BMAL2: variants seen among roughly 807,000 people sequenced by gnomAD.
BMAL2 encodes the protein basic helix-loop-helix ARNT like 2, also known as basic helix-loop-helix ARNT-like protein 2.
the BMAL2 span, chr12:27,377,298 C>G: frequency 3.3e-5 from 5 of 152,298 alleles, no homozygotes; most frequent in Non-Finnish European, 5.9e-5. Flanking sequence ...CTCCAGAAAC[C>G]TTTTCGGGTG....
At chr12:27,336,238 A>G in the BMAL2 span, among the ~76,000 whole-genome samples, 2 of 152,076 alleles carry the variant, frequency 1.3e-5, no homozygotes, top group African/African-American at 4.8e-5. Context: ...ACAGGAGGCA[A>G]GGGCACCTGA....
At chr12:27,420,050 A>ACACACAC in the BMAL2 span, among the ~76,000 whole-genome samples, 28 of 59,548 alleles carry the variant, frequency 4.7e-4, no homozygotes, top group African/African-American at 1.6e-3. Flanking sequence ...CACACACACA[A>ACACACAC]ACATACACTA....
At chr12:27,344,010 A>G in the BMAL2 span, among the ~76,000 whole-genome samples, 1 of 152,122 alleles carries the variant, frequency 6.6e-6, no homozygotes, top group African/African-American at 2.4e-5. Flanking sequence ...TTTATTGAGT[A>G]TTTACTATGT....
the BMAL2 span, among the ~76,000 whole-genome samples, chr12:27,419,717 C>T: frequency 0.65 from 99,360 of 152,024 alleles, 33,289 homozygotes; most frequent in Middle Eastern, 0.83. Context: ...TTTAAACACA[C>T]ATAGAGCCAT....
At chr12:27,409,301 A>G in the BMAL2 span, among the ~76,000 whole-genome samples, 1 of 152,212 alleles carries the variant, frequency 6.6e-6, no homozygotes, top group Non-Finnish European at 1.5e-5. Context: ...ATCCTAAGCC[A>G]AAAGAACAAA....
chr12:27,354,729 G>A, the BMAL2 span, among the ~76,000 whole-genome samples: 579 of 152,142 alleles, frequency 3.8e-3, 1 homozygote, highest in African/African-American at 0.013. Context: ...AGGTATCTGC[G>A]GATATTCCAA....
the BMAL2 span, among the ~76,000 whole-genome samples, chr12:27,382,726 G>GCCTGT: frequency 1.3e-5 from 2 of 152,176 alleles, no homozygotes; most frequent in African/African-American, 4.8e-5. Context: ...GATCAACAGA[G>GCCTGT]GGCTGCCTGT....
chr12:27,409,803 A>G, the BMAL2 span, among the ~76,000 whole-genome samples: 8 of 152,202 alleles, frequency 5.3e-5, no homozygotes, highest in African/African-American at 1.7e-4. Context: ...CAGAGTGAAC[A>G]GGCAACCTAC....
the BMAL2 span, chr12:27,400,608 G>A: frequency 1.2e-6 from 2 of 1,613,888 alleles, no homozygotes; most frequent in Non-Finnish European, 8.5e-7. Flanking sequence ...TGGAATGGAA[G>A]AAGAAAGGAA....
chr12:27,401,155 C>T, the BMAL2 span: 1 of 913,772 alleles, frequency 1.1e-6, no homozygotes, highest in Non-Finnish European at 1.8e-6. Flanking sequence ...TCATCCCCTA[C>T]CCTGTGCACT....
chr12:27,364,731 GATAATTTACATCTTTAGT>G, the BMAL2 span, among the ~76,000 whole-genome samples: 1 of 152,034 alleles, frequency 6.6e-6, no homozygotes, highest in Non-Finnish European at 1.5e-5. Flanking sequence ...TCTATTTTAG[GATAATTTACATCTTTAGT>G]ATATTGAAGC....
chr12:27,399,838 A>G, the BMAL2 span, among the ~76,000 whole-genome samples: 1 of 151,938 alleles, frequency 6.6e-6, no homozygotes, highest in Admixed American at 6.6e-5. Flanking sequence ...CCCGTATTGG[A>G]TTTATTTTTT....
the BMAL2 span, among the ~76,000 whole-genome samples, chr12:27,365,489 CAAAG>C: frequency 6.6e-6 from 1 of 151,896 alleles, no homozygotes; most frequent in Non-Finnish European, 1.5e-5. Flanking sequence ...GCCTCCTTGA[CAAAG>C]AAAAGTTGGG....
chr12:27,342,608 A>G, the BMAL2 span, among the ~76,000 whole-genome samples: 1 of 152,252 alleles, frequency 6.6e-6, no homozygotes. Flanking sequence ...TGAAACAGTG[A>G]ACACAGTTTC....
chr12:27,360,334 C>G, the BMAL2 span, among the ~76,000 whole-genome samples: 1 of 151,996 alleles, frequency 6.6e-6, no homozygotes, highest in African/African-American at 2.4e-5. Context: ...GCATTGTGAT[C>G]CTGGACCAGC....
the BMAL2 span, among the ~76,000 whole-genome samples, chr12:27,361,826 G>A: frequency 6.6e-6 from 1 of 152,022 alleles, no homozygotes; most frequent in Non-Finnish European, 1.5e-5. Flanking sequence ...TACTTCTACT[G>A]ACATAGAGTC....
chr12:27,416,176 GACTTTT>G, the BMAL2 span, among the ~76,000 whole-genome samples: 32 of 152,128 alleles, frequency 2.1e-4, no homozygotes, highest in Non-Finnish European at 4.4e-4. Context: ...TGTAACCTCA[GACTTTT>G]ACTTAAACTC....
the BMAL2 span, among the ~76,000 whole-genome samples, chr12:27,417,668 G>A: frequency 6.6e-6 from 1 of 152,140 alleles, no homozygotes; most frequent in African/African-American, 2.4e-5. Flanking sequence ...TTGTAGCATT[G>A]GTGGCAGGCC....
At chr12:27,365,370 G>T in the BMAL2 span, among the ~76,000 whole-genome samples, 1 of 151,942 alleles carries the variant, frequency 6.6e-6, no homozygotes, top group South Asian at 2.1e-4. Flanking sequence ...TCTGAATTTT[G>T]TTTGATAATG....
Sources: allele counts gnomAD v4.1 joint callset (sites outside exome capture counted in the v4.1 genomes callset), GRCh38; gene constraint gnomAD v4.1.1; transcripts MANE v1.5; gene names NCBI Gene and HGNC (gene_info 2026-07-23, HGNC 2026-07-21).